The following PLCG2 variants were observed in gnomAD, a reference collection of about 807,000 sequenced individuals.
PLCG2 encodes the protein phospholipase C gamma 2.
PLCG2 carries 69 observed loss-of-function variants against 175.6 expected under a neutral mutation model. The ratio of observed to expected loss-of-function variants is 0.39; its 90% CI spans 0.32 to 0.48. PLCG2 has a LOEUF of 0.48. Among genes scored for constraint, PLCG2 ranks in the 20% least tolerant of loss-of-function variants. The pLI is 0.91. For synonymous variants in PLCG2, 827 were observed against 624.0 expected (o/e 1.33, Z -4.85); for missense variants, 1,798 against 1,650.9 (o/e 1.09, Z -1.54).
intron 2 of PLCG2, among the ~76,000 whole-genome samples, chr16:81,758,679 T>C (rs78307766): frequency 2.8e-4 from 12 of 42,180 alleles, no homozygotes; most frequent in South Asian, 2.4e-3. Context: ...CCATCTCTCT[T>C]TTTTTTTTTT....
At chr16:81,921,693 T>A (rs13331678) in intron 21 of PLCG2, 11 of 264,784 alleles carry the variant, frequency 4.2e-5, no homozygotes, top group Admixed American at 2.5e-4. Flanking sequence ...TGGATTTTAC[T>A]TTCAGCCCTC....
intron 7 of PLCG2, among the ~76,000 whole-genome samples, chr16:81,877,129 C>T (rs916437946): frequency 6.6e-5 from 10 of 152,194 alleles, no homozygotes; most frequent in Admixed American, 4.6e-4. Context: ...TTCCTGGGGC[C>T]GCTGTGGCAA....
chr16:81,777,625 C>A (rs186723409), upstream of PLCG2, among the ~76,000 whole-genome samples: 1 of 146,942 alleles, frequency 6.8e-6, no homozygotes, highest in Non-Finnish European at 1.5e-5. Flanking sequence ...GTTGGGAGTG[C>A]TGAAAGAAAT....
At chr16:81,782,165 C>G (rs1186454525) in intron 1 of PLCG2, among the ~76,000 whole-genome samples, 1 of 152,080 alleles carries the variant, frequency 6.6e-6, no homozygotes, top group Non-Finnish European at 1.5e-5. Flanking sequence ...CATAAGCCAC[C>G]GTGCCTGGCC....
At chr16:81,773,446 A>G (rs73587605) in intron 2 of PLCG2, among the ~76,000 whole-genome samples, 11 of 152,236 alleles carry the variant, frequency 7.2e-5, no homozygotes, top group African/African-American at 2.2e-4. Flanking sequence ...CTCAGAGACT[A>G]TTACATTGTT....
At chr16:81,857,221 T>G (rs1445623152) in intron 3 of PLCG2, among the ~76,000 whole-genome samples, 3 of 152,204 alleles carry the variant, frequency 2.0e-5, no homozygotes, top group African/African-American at 7.2e-5. Flanking sequence ...TTTAATTACT[T>G]TAGGGTGGGA....
intron 15 of PLCG2, among the ~76,000 whole-genome samples, chr16:81,905,972 C>G (rs1324898727): frequency 1.3e-5 from 2 of 152,136 alleles, no homozygotes; most frequent in Non-Finnish European, 2.9e-5. Context: ...CTTTATTTTC[C>G]TTTTGCATTT....
intron 11 of PLCG2, among the ~76,000 whole-genome samples, 181 bp downstream of exon 11, chr16:81,891,771 G>C (rs1908649501): frequency 6.6e-6 from 1 of 152,188 alleles, no homozygotes; most frequent in Admixed American, 6.5e-5. Flanking sequence ...ACTTCCCTTT[G>C]TCAGCTGGCA....
chr16:81,933,697 A>C (rs1208580255), intron 25 of PLCG2, among the ~76,000 whole-genome samples: 2 of 151,876 alleles, frequency 1.3e-5, no homozygotes, highest in Non-Finnish European at 1.5e-5. Context: ...TCAAGTGCTT[A>C]GCCTGTGACG....
chr16:81,912,823 C>G (rs534606329), intron 19 of PLCG2, 107 bp downstream of exon 19: 16 of 1,320,484 alleles, frequency 1.2e-5, no homozygotes, highest in Middle Eastern at 2.0e-4. Flanking sequence ...AGTGCCCTGC[C>G]CCCCCAGCAT....
At position 81,854,595 on chromosome 16, in the gene PLCG2, C is replaced by T. The variant is rs1442261948; in HGVS notation, c.337+8C>T. 6.2e-7 allele frequency: 1 copy of T among 1,612,298 alleles called. No homozygotes were observed. The highest frequency in any genetic ancestry group is 1.7e-5 in the Admixed American group (1 of 59,972). On this transcript the variant is annotated splice_region_variant and intron_variant, in intron 3 of 32. Transcript: ENST00000564138. ...GCACGCTCAGCTTGGCAGGTAGGTGCATGTTTCTGTGCCTTTCTCCTTCCC... is the reference window on the plus strand; with the variant it reads ...GCACGCTCAGCTTGGCAGGTAGGTGTATGTTTCTGTGCCTTTCTCCTTCCC...
intron 13 of PLCG2, among the ~76,000 whole-genome samples, chr16:81,897,371 A>G (rs941851085): frequency 2.0e-5 from 3 of 152,150 alleles, no homozygotes; most frequent in African/African-American, 7.2e-5. Flanking sequence ...TTACCATCCT[A>G]TGCTTCAATT....
intron 6 of PLCG2, 107 bp downstream of exon 6, chr16:81,869,405 A>G (rs1907404054): frequency 3.9e-6 from 3 of 774,058 alleles, no homozygotes; most frequent in Non-Finnish European, 4.6e-6. Context: ...GCACAAGAAA[A>G]TCCTTTGCCT....
rs138158454 is a variant in PLCG2, at chr16:81,912,723, G to A, written c.2054+7G>A. On this transcript the variant is annotated splice_region_variant and intron_variant, in intron 19 of 32. Transcript: ENST00000564138. ...CCTATGCCATCACCTTCAGGTGGGT[G>A]CGAGGGTGGGAGGCACATGCTCTAC... is the stretch of plus-strand genomic sequence containing the variant. 63,000 of 1,592,502 alleles carry A rather than the reference G, an allele frequency of 0.04. 1,482 individuals are homozygous for A. Among genetic ancestry groups the A allele is most frequent in the Non-Finnish European group, 0.047 (55,407 of 1,169,808 alleles).
chr16:81,778,856 A>G (rs1910581752), upstream of PLCG2, among the ~76,000 whole-genome samples: 1 of 152,106 alleles, frequency 6.6e-6, no homozygotes, highest in Non-Finnish European at 1.5e-5. Flanking sequence ...TCTCGGCCAC[A>G]CCCATCCTAG....
intron 2 of PLCG2, among the ~76,000 whole-genome samples, chr16:81,804,872 A>T (rs916391025): frequency 4.6e-5 from 7 of 152,206 alleles, no homozygotes; most frequent in African/African-American, 1.7e-4. Context: ...TGGGAGCAGT[A>T]TTGAGCATCT....
intron 1 of PLCG2, among the ~76,000 whole-genome samples, chr16:81,782,109 C>G (rs1378704490): frequency 6.6e-6 from 1 of 152,074 alleles, no homozygotes; most frequent in Non-Finnish European, 1.5e-5. Context: ...ATCTCCTGAC[C>G]TCATGATCCG....
chr16:81,769,283 C>T (rs944257034), intron 2 of PLCG2, among the ~76,000 whole-genome samples: 1 of 152,234 alleles, frequency 6.6e-6, no homozygotes, highest in South Asian at 2.1e-4. Flanking sequence ...ACTGCTTCTA[C>T]CTCTGAACAG....
chr16:81,753,823 G>T (rs778726464), intron 1 of PLCG2, among the ~76,000 whole-genome samples: 2 of 152,184 alleles, frequency 1.3e-5, no homozygotes, highest in Non-Finnish European at 2.9e-5. Flanking sequence ...GAGCTCAGCC[G>T]TTTTATCTCC....
Sources: gnomAD v4.1 joint callset for allele counts (sites outside exome capture counted in the v4.1 genomes callset) on GRCh38, gnomAD v4.1.1 for gene constraint, MANE v1.5 for transcripts, NCBI Gene and HGNC (gene_info 2026-07-23, HGNC 2026-07-21) for gene names.